The following NEK10 variants were observed in gnomAD, a reference collection of about 807,000 sequenced individuals.
NEK10 encodes NIMA related kinase 10.
Under a neutral mutation model 159.8 loss-of-function variants are expected in NEK10, and 122 were observed. That is an observed-to-expected ratio of 0.76 (90% CI 0.66 to 0.89). The LOEUF (loss-of-function observed/expected upper bound fraction) is 0.89. NEK10 is among the 40% of genes least tolerant of loss of function. The pLI, the probability that NEK10 is intolerant of heterozygous loss-of-function variation, is 0.00. For missense variants in NEK10, 1,342 were observed against 1,323.1 expected (o/e 1.01, Z -0.22); for synonymous variants, 466 against 457.1 (o/e 1.02, Z -0.25).
chr3:27,177,545 CA>C (rs59530835), intron 26 of NEK10, among the ~76,000 whole-genome samples: 15,348 of 128,064 alleles, frequency 0.12, 2,206 homozygotes, highest in African/African-American at 0.37. Context: ...ACTCTTGTCT[CA>C]AAAAAAAAAA....
intron 5 of NEK10, among the ~76,000 whole-genome samples, chr3:27,329,744 G>A (rs928646950): frequency 6.6e-6 from 1 of 152,164 alleles, no homozygotes; most frequent in Non-Finnish European, 1.5e-5. Flanking sequence ...AAAGAACAAG[G>A]GAATCCGTGA....
intron 22 of NEK10, among the ~76,000 whole-genome samples, chr3:27,263,092 T>C (rs1251429529): frequency 2.6e-5 from 4 of 152,370 alleles, no homozygotes; most frequent in South Asian, 4.1e-4. Flanking sequence ...CTCCAGACCC[T>C]GTTTGCCTGG....
chr3:27,134,896 A>G (rs1036623466), intron 31 of NEK10, among the ~76,000 whole-genome samples: 21 of 152,338 alleles, frequency 1.4e-4, no homozygotes, highest in African/African-American at 4.6e-4. Context: ...ATTAATGTCT[A>G]TGATTCATTT....
In NEK10 at chr3:27,291,488, A is replaced by G. The variant is rs2042992225; in HGVS notation, c.1472T>C (p.Leu491Ser). ...TATTGAAAACTCAGGACTTACCACT[A>G]ATAAATTCAGCTTGGATACCAATTC... ...YEELVSKLNL[L>S]VEDELKQIAE... is the part of the protein sequence containing the mutation. The change falls in exon 17 of 36, where the codon TTA becomes TCA. Residue 491 changes from leucine (L) to serine (S), a missense_variant. Leu to Ser is a moderately radical substitution (Grantham distance 145). Coordinates refer to ENST00000691995, the MANE Select transcript of NEK10 (RefSeq NM_001394966.1). 6.2e-7 allele frequency: 1 copy of G among 1,606,206 alleles called. No homozygotes were observed. Among genetic ancestry groups the G allele is most frequent in the South Asian group, 1.1e-5 (1 of 90,944 alleles).
At chr3:27,162,551 C>T (rs1402420700) in intron 30 of NEK10, 150 bp downstream of exon 30, 3 of 1,614,066 alleles carry the variant, frequency 1.9e-6, no homozygotes, top group Middle Eastern at 1.7e-4. Flanking sequence ...TTAATGTGGG[C>T]CCTGAGCATG....
chr3:27,294,619 CTTCCCGTTGGTAGCGCTCCA>C (rs1218681511), intron 15 of NEK10, among the ~76,000 whole-genome samples: 1 of 152,138 alleles, frequency 6.6e-6, no homozygotes, highest in Non-Finnish European at 1.5e-5. Context: ...ATGCCTGCAC[CTTCCCGTTGGTAGCGCTCCA>C]AAAACCCCTG....
chr3:27,266,190 G>T (rs2040878217), intron 22 of NEK10, among the ~76,000 whole-genome samples: 1 of 152,094 alleles, frequency 6.6e-6, no homozygotes, highest in South Asian at 2.1e-4. Flanking sequence ...TTTAAACTTT[G>T]ACTAAGTCAA....
chr3:27,349,682 T>C (rs866379784), intron 3 of NEK10, among the ~76,000 whole-genome samples: 1 of 152,268 alleles, frequency 6.6e-6, no homozygotes, highest in Middle Eastern at 3.4e-3. Context: ...AGGAAGAAAA[T>C]AATCTGAATT....
chr3:27,259,746 T>G (rs186207056), intron 22 of NEK10, among the ~76,000 whole-genome samples: 2 of 152,188 alleles, frequency 1.3e-5, no homozygotes, highest in African/African-American at 4.8e-5. Context: ...TTTTTTCCAA[T>G]TGTGTGAAGA....
intron 22 of NEK10, among the ~76,000 whole-genome samples, chr3:27,259,253 TTGCCATTGCTTTTGG>T (rs1238652954): frequency 6.6e-6 from 1 of 152,254 alleles, no homozygotes; most frequent in Non-Finnish European, 1.5e-5. Context: ...TTGGCTTTTG[TTGCCATTGCTTTTGG>T]TGTTTTAGAC....
intron 26 of NEK10, among the ~76,000 whole-genome samples, chr3:27,178,292 G>T (rs1947729368): frequency 6.6e-6 from 1 of 151,946 alleles, no homozygotes; most frequent in African/African-American, 2.4e-5. Flanking sequence ...GAAAATTAAG[G>T]GCATCTATTT....
chr3:27,179,006 G>T (rs1052703369), intron 26 of NEK10, among the ~76,000 whole-genome samples: 1 of 152,170 alleles, frequency 6.6e-6, no homozygotes, highest in Non-Finnish European at 1.5e-5. Context: ...GGGTTTAAGG[G>T]ATCATCCTGC....
At chr3:27,205,687 C>T (rs1422740972) in intron 23 of NEK10, among the ~76,000 whole-genome samples, 1 of 136,418 alleles carries the variant, frequency 7.3e-6, no homozygotes, top group Non-Finnish European at 1.5e-5. Flanking sequence ...CCCTTCCTTA[C>T]ACCTTATACA....
At chr3:27,346,242 A>C (rs1286986263) in intron 3 of NEK10, 26 bp from the exon 4 acceptor site, 1 of 1,612,706 alleles carries the variant, frequency 6.2e-7, no homozygotes, top group Admixed American at 1.7e-5. Flanking sequence ...CATAGAGTAC[A>C]TGAGGATCAC....
intron 31 of NEK10, among the ~76,000 whole-genome samples, chr3:27,135,401 T>C (rs1010840159): frequency 6.6e-6 from 1 of 152,246 alleles, no homozygotes; most frequent in Admixed American, 6.5e-5. Context: ...AAAAGCTTGG[T>C]TTTTGTTTGC....
intron 6 of NEK10, among the ~76,000 whole-genome samples, chr3:27,319,676 G>C (rs2045475874): frequency 5.3e-5 from 8 of 152,218 alleles, no homozygotes. Flanking sequence ...GAAAAATAGA[G>C]AGCGGGTAGA....
chr3:27,213,035 A>G (rs1378852691), intron 23 of NEK10, among the ~76,000 whole-genome samples: 1 of 152,174 alleles, frequency 6.6e-6, no homozygotes, highest in Non-Finnish European at 1.5e-5. Context: ...CATCCTCTTC[A>G]TTTACATAGG....
intron 23 of NEK10, among the ~76,000 whole-genome samples, chr3:27,226,198 T>G (rs1310420319): frequency 2.9e-5 from 3 of 104,818 alleles, no homozygotes; most frequent in African/African-American, 1.8e-4. Context: ...CGCCCGGCTA[T>G]TTTTTTTTTT....
intron 31 of NEK10, among the ~76,000 whole-genome samples, chr3:27,133,831 C>T (rs373586407): frequency 2.0e-5 from 3 of 152,044 alleles, no homozygotes; most frequent in African/African-American, 4.8e-5. Context: ...CGTTAATTAG[C>T]GAAGAAATAA....
Sources: allele counts gnomAD v4.1 joint callset (sites outside exome capture counted in the v4.1 genomes callset), GRCh38; gene constraint gnomAD v4.1.1; transcripts MANE v1.5; gene names NCBI Gene and HGNC (gene_info 2026-07-23, HGNC 2026-07-21).